The following KCNQ3 variants were observed in gnomAD, a reference collection of about 807,000 sequenced individuals.
KCNQ3 encodes potassium voltage-gated channel subfamily KQT member 3.
Under a neutral mutation model 92.5 loss-of-function variants are expected in KCNQ3, and 30 were observed. That is an observed-to-expected ratio of 0.32 (90% CI 0.24 to 0.44). The LOEUF is 0.44. KCNQ3 is among the 20% of genes least tolerant of loss of function. KCNQ3 has a pLI of 1.00. For missense variants in KCNQ3, 913 were observed against 1,140.3 expected (o/e 0.80, Z 2.87); for synonymous variants, 450 against 468.8 (o/e 0.96, Z 0.52).
At chr8:132,263,992 A>T (rs933124534) in intron 1 of KCNQ3, among the ~76,000 whole-genome samples, 13 of 152,202 alleles carry the variant, frequency 8.5e-5, no homozygotes, top group African/African-American at 2.4e-4. Context: ...CACAAAGTCC[A>T]GCACCTTCAT....
At chr8:132,315,079 G>T (rs571385497) in intron 1 of KCNQ3, among the ~76,000 whole-genome samples, 1 of 152,326 alleles carries the variant, frequency 6.6e-6, no homozygotes, top group South Asian at 2.1e-4. Flanking sequence ...TTAAGCAGAT[G>T]AGTAGCATGT....
intron 1 of KCNQ3, among the ~76,000 whole-genome samples, chr8:132,342,957 G>A (rs1487714877): frequency 6.6e-6 from 1 of 152,110 alleles, no homozygotes; most frequent in African/African-American, 2.4e-5. Context: ...GTTTTTACAG[G>A]CATGTCAAAG....
At chr8:132,384,982 C>A (rs894804234) in intron 1 of KCNQ3, among the ~76,000 whole-genome samples, 1 of 152,210 alleles carries the variant, frequency 6.6e-6, no homozygotes, top group Non-Finnish European at 1.5e-5. Flanking sequence ...CCCTCTGGAA[C>A]AAAAGATGAC....
chr8:132,441,107 G>A (rs929300605), intron 1 of KCNQ3, among the ~76,000 whole-genome samples: 4 of 152,190 alleles, frequency 2.6e-5, no homozygotes, highest in Non-Finnish European at 4.4e-5. Context: ...CCACAGTCAA[G>A]ACTGGCAGCA....
At chr8:132,319,347 G>T (rs945509722) in intron 1 of KCNQ3, among the ~76,000 whole-genome samples, 2 of 152,160 alleles carry the variant, frequency 1.3e-5, no homozygotes, top group African/African-American at 2.4e-5. Context: ...CCACAGTGAT[G>T]CCTGTTTGTC....
At chr8:132,379,997 C>T (rs1338046943) in intron 1 of KCNQ3, among the ~76,000 whole-genome samples, 1 of 151,426 alleles carries the variant, frequency 6.6e-6, no homozygotes. Flanking sequence ...TAGTAATTAC[C>T]ACAATGTATA....
chr8:132,302,295 C>T (rs529412186), intron 1 of KCNQ3, among the ~76,000 whole-genome samples: 5 of 152,320 alleles, frequency 3.3e-5, no homozygotes, highest in South Asian at 2.1e-4. Context: ...ATTTTACACT[C>T]GAATCCAGAT....
At position 132,180,181 on chromosome 8, in the gene KCNQ3, G is replaced by A. The variant is rs1826707926; in HGVS notation, c.753C>T (p.Gly251=). 6.2e-7 allele frequency: 1 copy of A among 1,614,160 alleles called. No individual in the cohort carries two copies. Residue 251 remains glycine, a synonymous_variant, in exon 4 of 15, where the codon GGC becomes GGT. Transcript: ENST00000388996. The part of the protein sequence containing the change: ...DRRGGTWKLL[G]SAICAHSKEL... Reference sequence around the variant, plus strand: ...CTTTGCTGTGGGCACAGATGGCTGAGCCCAGAAGCTTCCAGGTGCCACCTC... The same window carrying A: ...CTTTGCTGTGGGCACAGATGGCTGAACCCAGAAGCTTCCAGGTGCCACCTC...
chr8:132,376,889 T>A (rs1052087139), intron 1 of KCNQ3, among the ~76,000 whole-genome samples: 1 of 152,022 alleles, frequency 6.6e-6, no homozygotes, highest in Non-Finnish European at 1.5e-5. Flanking sequence ...CCCTCCACCA[T>A]GCAACTGCCA....
chr8:132,176,626 C>T (rs971666657), intron 4 of KCNQ3, among the ~76,000 whole-genome samples: 1 of 152,180 alleles, frequency 6.6e-6, no homozygotes, highest in African/African-American at 2.4e-5. Flanking sequence ...GGGTTGCTTC[C>T]TGCCTCCCTG....
At chr8:132,172,770 G>GAGC in intron 6 of KCNQ3, 77 bp from the exon 7 acceptor site, 4 of 1,014,542 alleles carry the variant, frequency 3.9e-6, no homozygotes, top group African/African-American at 1.6e-5. Flanking sequence ...CAGGGTAATG[G>GAGC]GGACTGTAGG....
intron 1 of KCNQ3, among the ~76,000 whole-genome samples, chr8:132,273,408 C>T (rs1586885250): frequency 6.6e-6 from 1 of 152,182 alleles, no homozygotes; most frequent in Non-Finnish European, 1.5e-5. Context: ...TGCAGGGCAC[C>T]AAGTCCTTAG....
At chr8:132,285,529 G>A (rs1399231105) in intron 1 of KCNQ3, among the ~76,000 whole-genome samples, 4 of 152,224 alleles carry the variant, frequency 2.6e-5, no homozygotes, top group Admixed American at 2.0e-4. Context: ...TCAGGCAGAT[G>A]TATGGTTACT....
At chr8:132,277,293 G>A (rs1443045965) in intron 1 of KCNQ3, among the ~76,000 whole-genome samples, 1 of 152,158 alleles carries the variant, frequency 6.6e-6, no homozygotes, top group Non-Finnish European at 1.5e-5. Flanking sequence ...TTCAAACTCA[G>A]GACTCTTGAC....
At chr8:132,447,132 C>G (rs995444136) in intron 1 of KCNQ3, 8 of 1,362,384 alleles carry the variant, frequency 5.9e-6, no homozygotes, top group Non-Finnish European at 8.1e-6. Flanking sequence ...TCCCTCTCCC[C>G]CTGGGACTCT....
chr8:132,186,536 GAATT>G (rs1477787353), intron 1 of KCNQ3: 3 of 367,942 alleles, frequency 8.2e-6, no homozygotes, highest in East Asian at 1.4e-4. Flanking sequence ...TTAAGTATAT[GAATT>G]AATTAATAAT....
At chr8:132,412,725 C>T (rs1032993899) in intron 1 of KCNQ3, among the ~76,000 whole-genome samples, 5 of 152,112 alleles carry the variant, frequency 3.3e-5, no homozygotes, top group Non-Finnish European at 7.3e-5. Flanking sequence ...ATAGCATGGC[C>T]ACCTCCCCTG....
At chr8:132,156,138 C>A (rs75651968) in intron 9 of KCNQ3, among the ~76,000 whole-genome samples, 2 of 151,994 alleles carry the variant, frequency 1.3e-5, no homozygotes, top group East Asian at 3.9e-4. Context: ...TCCATTTACC[C>A]AAATCTCTTG....
At chr8:132,200,962 C>T (rs2130257313) in intron 1 of KCNQ3, among the ~76,000 whole-genome samples, 1 of 152,236 alleles carries the variant, frequency 6.6e-6, no homozygotes, top group South Asian at 2.1e-4. Flanking sequence ...CTAAGAAGCC[C>T]ATGAGTGTGG....
Sources: gnomAD v4.1 joint callset for allele counts (sites outside exome capture counted in the v4.1 genomes callset) on GRCh38, gnomAD v4.1.1 for gene constraint, MANE v1.5 for transcripts, NCBI Gene and HGNC (gene_info 2026-07-23, HGNC 2026-07-21) for gene names.